The following ABCA8 variants were observed in gnomAD, a reference collection of about 807,000 sequenced individuals.
ABCA8 encodes ABC-type organic anion transporter ABCA8.
ABCA8 carries 177 observed loss-of-function variants against 192.3 expected under a neutral mutation model. The observed-to-expected ratio is 0.92, with a 90% CI of 0.81 to 1.04. The LOEUF is 1.04. Ranked by LOEUF, ABCA8 falls within the 50% of genes least tolerant of loss-of-function variation. ABCA8 has a pLI of 0.00. For missense variants in ABCA8, 1,915 were observed against 1,904.8 expected (o/e 1.01, Z -0.10); for synonymous variants, 642 against 690.2 (o/e 0.93, Z 1.09).
At chr17:68,944,317 TA>T (rs2068321404) in intron 2 of ABCA8, among the ~76,000 whole-genome samples, 6 of 29,782 alleles carry the variant, frequency 2.0e-4, no homozygotes, top group East Asian at 8.6e-4. Flanking sequence ...AACTTAAAGT[TA>T]TATATATATA....
intron 17 of ABCA8, among the ~76,000 whole-genome samples, chr17:68,908,346 C>T (rs1305148991): frequency 6.6e-6 from 1 of 152,170 alleles, no homozygotes; most frequent in African/African-American, 2.4e-5. Context: ...CAAACAGTTT[C>T]AGTTACTCAA....
intron 2 of ABCA8, among the ~76,000 whole-genome samples, chr17:68,945,788 T>G (rs889823715): frequency 6.6e-5 from 10 of 152,104 alleles, no homozygotes; most frequent in Non-Finnish European, 1.5e-4. Flanking sequence ...TGTGTGTGTT[T>G]GTATTTATGT....
rs553057594 is a variant in ABCA8, at chr17:68,952,213, T to C, written c.-166-2741A>G. On this transcript the variant is annotated intron_variant, in intron 1 of 39. Transcript: ENST00000586539. Reference sequence around the variant, plus strand: ...CTGAATTCCAATCTAATTATCCTGGTTATTTATTTATTTATTTATTTTTGA... The same window carrying C: ...CTGAATTCCAATCTAATTATCCTGGCTATTTATTTATTTATTTATTTTTGA... 1.7e-3 allele frequency among the ~76,000 whole-genome samples: 252 copies of C among 152,130 alleles called. 1 individual carries two copies. The highest frequency in any genetic ancestry group is 5.5e-3 in the African/African-American group (227 of 41,522).
At chr17:68,909,597 G>C (rs2067182492) in intron 17 of ABCA8, among the ~76,000 whole-genome samples, 1 of 151,970 alleles carries the variant, frequency 6.6e-6, no homozygotes, top group Non-Finnish European at 1.5e-5. Flanking sequence ...ACCTTTACTT[G>C]TAAGTAGGAA....
chr17:68,934,917 A>C (rs1321479182), intron 5 of ABCA8, among the ~76,000 whole-genome samples: 1 of 151,940 alleles, frequency 6.6e-6, no homozygotes, highest in Non-Finnish European at 1.5e-5. Flanking sequence ...GAGGAAAAAC[A>C]CCTCTCCTAG....
Position 68,885,212 on chromosome 17 carries a change from A to G in ABCA8, c.3533T>C (p.Leu1178Ser), listed in dbSNP as rs2066427317. ...ATTACTTACATGAGAAGATAAGAAC[A>G]AACAGCCAATCATTGTGGCAGGTGG... ...LIPPATMIGC[L>S]FLSSHLLFSS... Residue 1178 changes from leucine (L) to serine (S), a missense_variant, in exon 27 of 40, where the codon TTG becomes TCG. Transcript: ENST00000586539. The G allele has an allele frequency of 6.2e-7, 1 of 1,613,488 alleles. No individual in the cohort carries two copies. Among genetic ancestry groups the G allele is most frequent in the Non-Finnish European group, 8.5e-7 (1 of 1,179,782 alleles).
intron 1 of ABCA8, among the ~76,000 whole-genome samples, chr17:68,954,259 A>G (rs908394475): frequency 1.4e-5 from 2 of 140,930 alleles, no homozygotes; most frequent in Non-Finnish European, 3.0e-5. Context: ...GCCCAAATAT[A>G]TCACAGCTTC....
chr17:68,921,093 T>C (rs8077155), intron 13 of ABCA8, among the ~76,000 whole-genome samples: 106,478 of 151,808 alleles, frequency 0.7, 38,532 homozygotes, highest in African/African-American at 0.88. Flanking sequence ...AGCAAACTAT[T>C]GCAAGGACAA....
intron 26 of ABCA8, among the ~76,000 whole-genome samples, chr17:68,885,542 AT>A (rs1344378811): frequency 6.6e-6 from 1 of 151,468 alleles, no homozygotes; most frequent in Non-Finnish European, 1.5e-5. Flanking sequence ...GATATGCAGA[AT>A]TTTTTTCTCT....
At chr17:68,896,630 C>T (rs961712197) in intron 21 of ABCA8, among the ~76,000 whole-genome samples, 3 of 152,062 alleles carry the variant, frequency 2.0e-5, no homozygotes, top group African/African-American at 7.2e-5. Flanking sequence ...GTTATCAGAT[C>T]GACTGTCAAG....
At chr17:68,951,557 A>T (rs2068569163) in intron 1 of ABCA8, among the ~76,000 whole-genome samples, 1 of 152,194 alleles carries the variant, frequency 6.6e-6, no homozygotes, top group African/African-American at 2.4e-5. Flanking sequence ...TTCATAATAG[A>T]GTTCAATTAA....
At chr17:68,884,205 A>G in intron 28 of ABCA8, 126 bp downstream of exon 28, 1 of 941,506 alleles carries the variant, frequency 1.1e-6, no homozygotes, top group Non-Finnish European at 1.5e-6. Flanking sequence ...TACAAGCATT[A>G]TATCTCCTTG....
chr17:68,950,432 C>T (rs781494319), intron 1 of ABCA8, among the ~76,000 whole-genome samples: 53 of 152,170 alleles, frequency 3.5e-4, no homozygotes, highest in Non-Finnish European at 7.1e-4. Flanking sequence ...TGCTACCTGG[C>T]TTCAAACTAT....
intron 13 of ABCA8, 106 bp from the exon 14 acceptor site, chr17:68,919,582 T>G: frequency 1.0e-6 from 1 of 1,004,418 alleles, no homozygotes; most frequent in South Asian, 1.8e-5. Context: ...GTTTATACAA[T>G]TCAGGCATTA....
At chr17:68,874,357 G>A (rs2066147325) in intron 37 of ABCA8, among the ~76,000 whole-genome samples, 2 of 152,260 alleles carry the variant, frequency 1.3e-5, no homozygotes, top group South Asian at 4.1e-4. Flanking sequence ...TTGAGCCTCT[G>A]GTTAGAAGAG....
At chr17:68,922,075 T>C (rs755784264) in intron 12 of ABCA8, among the ~76,000 whole-genome samples, 167 bp downstream of exon 12, 3 of 151,890 alleles carry the variant, frequency 2.0e-5, no homozygotes, top group Admixed American at 6.6e-5. Flanking sequence ...AAAAGTCTTA[T>C]GCAGCTCAAA....
At chr17:68,890,672 C>T (rs569552641) in intron 24 of ABCA8, among the ~76,000 whole-genome samples, 113 of 152,272 alleles carry the variant, frequency 7.4e-4, no homozygotes, top group African/African-American at 2.6e-3. Context: ...GCATGCACCA[C>T]CACACCCAGC....
In ABCA8 at chr17:68,948,689, G is replaced by A. The variant is rs555512393; in HGVS notation, c.-6+623C>T. 2.0e-5 allele frequency among the ~76,000 whole-genome samples: 3 copies of A among 152,210 alleles called. No individual in the cohort carries two copies. The South Asian group carries it at 6.2e-4, about 32-fold the overall frequency. Reference sequence around the variant, plus strand: ...GCAAAAATTTTCTCCCATTCTGTAGGTTGCCTGTTCACGCTGATGATAGTT... The same window carrying A: ...GCAAAAATTTTCTCCCATTCTGTAGATTGCCTGTTCACGCTGATGATAGTT... On this transcript the variant is annotated intron_variant, in intron 2 of 39. Transcript: ENST00000586539.
intron 2 of ABCA8, among the ~76,000 whole-genome samples, chr17:68,947,640 C>G (rs2068448361): frequency 6.6e-6 from 1 of 152,138 alleles, no homozygotes; most frequent in South Asian, 2.1e-4. Context: ...TTAAATATGA[C>G]TGGTCTATTC....
Sources: allele counts gnomAD v4.1 joint callset (sites outside exome capture counted in the v4.1 genomes callset), GRCh38; gene constraint gnomAD v4.1.1; transcripts MANE v1.5; gene names NCBI Gene and HGNC (gene_info 2026-07-23, HGNC 2026-07-21).